The following DAB1 variants were observed in gnomAD, a reference collection of about 807,000 sequenced individuals.
DAB1 encodes the protein DAB adaptor protein 1.
Under a neutral mutation model 64.6 loss-of-function variants are expected in DAB1, and 15 were observed. The observed-to-expected ratio is 0.23, with a 90% CI of 0.16 to 0.36. The LOEUF (loss-of-function observed/expected upper bound fraction) is 0.36, where lower values mean the gene tolerates loss of function less well. Among genes scored for constraint, DAB1 ranks in the 10% least tolerant of loss-of-function variants. DAB1 has a pLI of 1.00. For synonymous variants in DAB1, 235 were observed against 251.9 expected, an observed-to-expected ratio of 0.93 and a Z score of 0.64; for missense variants, 596 against 706.7, an observed-to-expected ratio of 0.84 and a Z score of 1.78.
At chr1:58,291,799 C>T (rs1442171863) in intron 4 of DAB1, among the ~76,000 whole-genome samples, 3 of 152,114 alleles carry the variant, frequency 2.0e-5, no homozygotes, top group Admixed American at 6.5e-5. Flanking sequence ...ATGCAAGACT[C>T]GAAGCCACAA....
intron 2 of DAB1, among the ~76,000 whole-genome samples, chr1:57,275,323 C>T (rs1361742913): frequency 6.6e-6 from 1 of 152,054 alleles, no homozygotes; most frequent in African/African-American, 2.4e-5. Flanking sequence ...TCCTAATAAG[C>T]AATGTTTAAA....
intron 6 of DAB1, among the ~76,000 whole-genome samples, chr1:57,656,370 T>TGTG (rs1558581326): frequency 6.9e-6 from 1 of 145,858 alleles, no homozygotes; most frequent in African/African-American, 2.6e-5. Context: ...GTGTGTGTGT[T>TGTG]TTTGTGCTCG....
At chr1:57,598,819 G>A (rs895683178) in intron 7 of DAB1, among the ~76,000 whole-genome samples, 1 of 152,180 alleles carries the variant, frequency 6.6e-6, no homozygotes, top group Non-Finnish European at 1.5e-5. Context: ...CAACAGAGCA[G>A]GTTTACATCC....
At chr1:57,832,774 G>A (rs1373070995) in intron 1 of DAB1, among the ~76,000 whole-genome samples, 1 of 152,136 alleles carries the variant, frequency 6.6e-6, no homozygotes, top group Non-Finnish European at 1.5e-5. Context: ...TGAGTCTTTG[G>A]TTATTCAAAG....
chr1:57,305,826 G>A (rs1030249133), intron 1 of DAB1, among the ~76,000 whole-genome samples: 9 of 151,910 alleles, frequency 5.9e-5, no homozygotes, highest in East Asian at 1.9e-4. Flanking sequence ...AAAATTAGCC[G>A]GGCGCGGTTA....
intron 7 of DAB1, among the ~76,000 whole-genome samples, chr1:57,579,541 T>A (rs1457268363): frequency 1.3e-5 from 2 of 152,148 alleles, no homozygotes; most frequent in Non-Finnish European, 2.9e-5. Flanking sequence ...CCCTTAGTGA[T>A]CTCTATTTTC....
chr1:57,475,963 C>A (rs1643930705), intron 7 of DAB1, among the ~76,000 whole-genome samples: 2 of 152,008 alleles, frequency 1.3e-5, no homozygotes, highest in Admixed American at 1.3e-4. Flanking sequence ...AGTGGCTCAC[C>A]CCTGTTATCC....
At chr1:57,620,398 G>A (rs1645843344) in intron 7 of DAB1, among the ~76,000 whole-genome samples, 1 of 152,166 alleles carries the variant, frequency 6.6e-6, no homozygotes, top group African/African-American at 2.4e-5. Context: ...TTGTTTCCAG[G>A]ACTCCAGGGA....
chr1:58,177,004 C>G (rs1215713280), intron 4 of DAB1, among the ~76,000 whole-genome samples: 3 of 151,744 alleles, frequency 2.0e-5, no homozygotes, highest in Admixed American at 1.3e-4. Flanking sequence ...AGTCCCACCT[C>G]TCAACACTGT....
chr1:58,484,138 C>T (rs1557435417), intron 3 of DAB1, among the ~76,000 whole-genome samples: 2 of 152,194 alleles, frequency 1.3e-5, no homozygotes, highest in South Asian at 4.1e-4. Flanking sequence ...GAGTAAGGTG[C>T]TAGGTACACA....
chr1:57,430,494 G>C (rs1389500648), intron 7 of DAB1, among the ~76,000 whole-genome samples: 1 of 151,598 alleles, frequency 6.6e-6, no homozygotes, highest in Non-Finnish European at 1.5e-5. Flanking sequence ...TCCTGCCTCA[G>C]CCTCCCGAGT....
chr1:57,217,193 T>G (rs960511800), intron 2 of DAB1, among the ~76,000 whole-genome samples: 3 of 152,242 alleles, frequency 2.0e-5, no homozygotes, highest in Non-Finnish European at 4.4e-5. Context: ...CCTCCTGAAA[T>G]ACCTATTATC....
At chr1:58,321,668 T>C (rs1569640234) in intron 4 of DAB1, among the ~76,000 whole-genome samples, 2 of 152,206 alleles carry the variant, frequency 1.3e-5, no homozygotes, top group African/African-American at 4.8e-5. Flanking sequence ...GCTAGCGCAG[T>C]AGTCTGAGAT....
chr1:57,528,919 A>C (rs1038369178), intron 7 of DAB1, among the ~76,000 whole-genome samples: 2 of 151,986 alleles, frequency 1.3e-5, no homozygotes, highest in South Asian at 4.1e-4. Flanking sequence ...GAAATGCTAA[A>C]GTTAAGTTAT....
chr1:57,601,026 G>A (rs1300752209), intron 7 of DAB1, among the ~76,000 whole-genome samples: 1 of 151,770 alleles, frequency 6.6e-6, no homozygotes, highest in African/African-American at 2.4e-5. Context: ...TTTTTTAAAT[G>A]ATGCCTAGTG....
downstream of DAB1, among the ~76,000 whole-genome samples, chr1:57,823,219 G>A (rs944196277): frequency 1.4e-4 from 22 of 152,070 alleles, no homozygotes; most frequent in African/African-American, 4.3e-4. Context: ...TCCTGACCTC[G>A]TGATCCGCCC....
At chr1:57,439,429 T>C (rs934247611) in intron 7 of DAB1, among the ~76,000 whole-genome samples, 2 of 128,020 alleles carry the variant, frequency 1.6e-5, no homozygotes, top group Non-Finnish European at 3.3e-5. Context: ...TTTTTTCTTT[T>C]TTTTTTTTTT....
At chr1:58,544,940 T>C (rs981998447) in intron 1 of DAB1, among the ~76,000 whole-genome samples, 3 of 152,128 alleles carry the variant, frequency 2.0e-5, no homozygotes, top group Admixed American at 2.0e-4. Flanking sequence ...GGTGTGTCAC[T>C]ATGTTGCCCA....
At chr1:57,535,105 A>G (rs1644710316) in intron 7 of DAB1, among the ~76,000 whole-genome samples, 1 of 152,166 alleles carries the variant, frequency 6.6e-6, no homozygotes, top group African/African-American at 2.4e-5. Flanking sequence ...CCTTTTCTAA[A>G]GTAGCACTCC....
Sources: gnomAD v4.1 joint callset for allele counts (sites outside exome capture counted in the v4.1 genomes callset) on GRCh38, gnomAD v4.1.1 for gene constraint, MANE v1.5 for transcripts, NCBI Gene and HGNC (gene_info 2026-07-23, HGNC 2026-07-21) for gene names.